The following NBEA variants were observed in gnomAD, a reference collection of about 807,000 sequenced individuals.
The protein encoded by NBEA is neurobeachin.
A neutral mutation model predicts 343.4 loss-of-function variants in NBEA; 44 were observed. The observed-to-expected ratio is 0.13, with a 90% CI of 0.10 to 0.16. The LOEUF (loss-of-function observed/expected upper bound fraction) is 0.16. Ranked by LOEUF, NBEA falls within the 10% of genes least tolerant of loss-of-function variation. NBEA has a pLI of 1.00. For synonymous variants in NBEA, 1,175 were observed against 1,238.7 expected (o/e 0.95, Z 1.08); for missense variants, 2,555 against 3,631.3 (o/e 0.70, Z 7.62).
Position 35,645,908 on chromosome 13 carries a change from C to T in NBEA, c.7657C>T (p.Leu2553Phe). 1 of 1,576,278 alleles carries T rather than the reference C, an allele frequency of 6.3e-7. No homozygotes were observed. Among genetic ancestry groups the T allele is most frequent in the Non-Finnish European group, 8.6e-7 (1 of 1,157,652 alleles). ...AYFIRDPHTF[L>F]LTKDFIKAME... is the part of the protein sequence containing the mutation. ...TTTCATTAGAGACCCCCACACTTTC[C>T]TTCTTACAAAGGACTTTATTAAGGT... The change falls in exon 50 of 59, where the codon CTT becomes TTT. Residue 2553 changes from leucine (L) to phenylalanine (F), a missense_variant. By Grantham distance (22) the Leu-to-Phe change is conservative. Around this residue, in one of 21 missense-constraint regions of NBEA, gnomAD observed 87 missense variants for 75.0 expected, o/e 1.16. Coordinates refer to ENST00000379939, the MANE Select transcript of NBEA (RefSeq NM_001385012.1).
intron 18 of NBEA, among the ~76,000 whole-genome samples, chr13:35,147,550 G>A (rs770615438): frequency 3.1e-4 from 47 of 151,998 alleles, no homozygotes; most frequent in African/African-American, 2.9e-4. Flanking sequence ...TTAAGGAGGC[G>A]GACTAGTAGG....
At chr13:34,956,456 A>G (rs929313085) in intron 1 of NBEA, among the ~76,000 whole-genome samples, 6 of 141,160 alleles carry the variant, frequency 4.3e-5, no homozygotes, top group African/African-American at 1.6e-4. Flanking sequence ...AATTCTTGAT[A>G]TCTTTATCTT....
intron 1 of NBEA, among the ~76,000 whole-genome samples, chr13:35,033,395 T>C (rs1042372832): frequency 6.6e-6 from 1 of 152,052 alleles, no homozygotes. Flanking sequence ...CCATGCTGTT[T>C]TGGTTACTAT....
intron 30 of NBEA, among the ~76,000 whole-genome samples, chr13:35,189,009 T>A (rs191459441): frequency 6.7e-4 from 97 of 145,236 alleles, no homozygotes; most frequent in African/African-American, 2.4e-3. Flanking sequence ...AACCTCCACC[T>A]CCCGGGTTCA....
chr13:35,057,277 A>T (rs1410184321), intron 7 of NBEA, among the ~76,000 whole-genome samples: 1 of 152,032 alleles, frequency 6.6e-6, no homozygotes, highest in Non-Finnish European at 1.5e-5. Context: ...CCTGTCTTGT[A>T]TTCTTTTAAC....
chr13:35,084,292 C>T (rs2064603333), intron 10 of NBEA, among the ~76,000 whole-genome samples: 1 of 152,106 alleles, frequency 6.6e-6, no homozygotes, highest in Non-Finnish European at 1.5e-5. Context: ...AGCACCACAC[C>T]ACACCTATTC....
intron 40 of NBEA, among the ~76,000 whole-genome samples, chr13:35,459,860 T>A (rs2046809279): frequency 6.6e-6 from 1 of 152,196 alleles, no homozygotes; most frequent in South Asian, 2.1e-4. Context: ...AGAATAATAG[T>A]ATAAGCCAGT....
At chr13:35,325,567 A>T (rs1216459214) in intron 36 of NBEA, among the ~76,000 whole-genome samples, 1 of 152,050 alleles carries the variant, frequency 6.6e-6, no homozygotes, top group Non-Finnish European at 1.5e-5. Context: ...GAAATTACAG[A>T]CTCATATCCA....
At chr13:35,490,019 T>C (rs2076446188) in intron 41 of NBEA, among the ~76,000 whole-genome samples, 2 of 151,930 alleles carry the variant, frequency 1.3e-5, no homozygotes, top group South Asian at 4.1e-4. Flanking sequence ...CAGTGGCCTG[T>C]AACGCTGTAA....
intron 38 of NBEA, among the ~76,000 whole-genome samples, chr13:35,398,761 A>G (rs1594481572): frequency 6.6e-6 from 1 of 151,996 alleles, no homozygotes; most frequent in Admixed American, 6.6e-5. Flanking sequence ...TTAGCATAAC[A>G]CTTAAGGGCC....
chr13:35,582,472 G>T (rs76615805), intron 45 of NBEA, among the ~76,000 whole-genome samples: 10,059 of 151,888 alleles, frequency 0.066, 371 homozygotes, highest in South Asian at 0.088. Context: ...TCTATCTAAA[G>T]AGATTTGAGA....
At chr13:35,449,931 T>A (rs1319434806) in intron 39 of NBEA, among the ~76,000 whole-genome samples, 1 of 152,190 alleles carries the variant, frequency 6.6e-6, no homozygotes, top group Non-Finnish European at 1.5e-5. Context: ...AATGTGGTTA[T>A]GTAGTAGGAG....
chr13:35,412,425 A>G (rs903373337), intron 38 of NBEA, among the ~76,000 whole-genome samples: 4 of 152,164 alleles, frequency 2.6e-5, no homozygotes, highest in African/African-American at 9.6e-5. Context: ...CTGTGCGGCA[A>G]GTGGGTTCCC....
At chr13:35,318,326 A>C (rs1225319216) in intron 36 of NBEA, among the ~76,000 whole-genome samples, 1 of 152,024 alleles carries the variant, frequency 6.6e-6, no homozygotes, top group Admixed American at 6.6e-5. Flanking sequence ...GTTGAATTTT[A>C]TCAAAGGTCT....
At chr13:35,084,393 C>A (rs1480762475) in intron 10 of NBEA, among the ~76,000 whole-genome samples, 1 of 152,144 alleles carries the variant, frequency 6.6e-6, no homozygotes, top group East Asian at 1.9e-4. Flanking sequence ...TCTCAGACCA[C>A]AGTGCAGTCA....
At chr13:35,551,841 T>G (rs2079341835) in intron 43 of NBEA, among the ~76,000 whole-genome samples, 1 of 152,206 alleles carries the variant, frequency 6.6e-6, no homozygotes, top group South Asian at 2.1e-4. Context: ...GGATTTCTCT[T>G]TAAGCTTCTC....
chr13:35,194,471 T>C (rs969623329), intron 30 of NBEA, among the ~76,000 whole-genome samples: 1 of 152,076 alleles, frequency 6.6e-6, no homozygotes, highest in Non-Finnish European at 1.5e-5. Flanking sequence ...ATTTTCAATT[T>C]TTAGGAGATC....
rs193129481 is a variant in NBEA at position 35,316,335 on chromosome 13, C to T, written c.5903+6743C>T. The stretch of plus-strand genomic sequence containing the variant: ...CATGTGTTCTCATTGTCACCTCCCA[C>T]TTATGAGTGAGAACATGCAGTGTTT... On this transcript the variant is annotated intron_variant, in intron 36 of 58. Transcript: ENST00000379939. Among the ~76,000 whole-genome samples the T allele has an allele frequency of 3.9e-5, 6 of 152,166 alleles. No individual in the cohort carries two copies. The East Asian group carries it at 1.2e-3, about 29-fold the overall frequency.
intron 1 of NBEA, among the ~76,000 whole-genome samples, chr13:35,024,893 T>C (rs1371528192): frequency 6.6e-6 from 1 of 152,124 alleles, no homozygotes; most frequent in East Asian, 1.9e-4. Flanking sequence ...AGATCTTACC[T>C]CATTGTGATT....
Sources: gnomAD v4.1 joint callset for allele counts (sites outside exome capture counted in the v4.1 genomes callset) on GRCh38, gnomAD v4.1.1 for gene constraint, gnomAD v4.1.1 regional missense constraint, MANE v1.5 for transcripts, NCBI Gene and HGNC (gene_info 2026-07-23, HGNC 2026-07-21) for gene names.